Variants in ANK3 observed in about 807,000 individuals in gnomAD.
The protein encoded by ANK3 is ankyrin-3.
Under a neutral mutation model 370.9 loss-of-function variants are expected in ANK3, and 57 were observed. That is an observed-to-expected ratio of 0.15 (90% confidence interval 0.12 to 0.19). The LOEUF is 0.19. Ranked by LOEUF, ANK3 falls within the 10% of genes least tolerant of loss-of-function variation. The pLI is 1.00. For synonymous variants in ANK3, 1,929 were observed against 1,946.3 expected (o/e 0.99, Z 0.23); for missense variants, 4,439 against 5,302.1 (o/e 0.84, Z 5.06).
intron 16 of ANK3, among the ~76,000 whole-genome samples, chr10:60,193,112 C>T (rs2096523348): frequency 6.6e-6 from 1 of 152,142 alleles, no homozygotes; most frequent in Non-Finnish European, 1.5e-5. Flanking sequence ...ATGGCATTAC[C>T]CAGGCTCTTA....
At chr10:60,362,462 T>C (rs895278540) in intron 1 of ANK3, among the ~76,000 whole-genome samples, 3 of 152,192 alleles carry the variant, frequency 2.0e-5, no homozygotes, top group Non-Finnish European at 4.4e-5. Flanking sequence ...TGGCTATCAC[T>C]ATTTAAAACT....
chr10:60,053,717 GGACTTTT>G, intron 42 of ANK3: 1 of 1,303,628 alleles, frequency 7.7e-7, no homozygotes, highest in East Asian at 5.5e-5. Flanking sequence ...AGCCGCACCC[GGACTTTT>G]GACCTGATTT....
At chr10:60,319,512 C>A (rs1007257239) in intron 1 of ANK3, among the ~76,000 whole-genome samples, 6 of 152,126 alleles carry the variant, frequency 3.9e-5, no homozygotes, top group Non-Finnish European at 7.4e-5. Context: ...AGAAATATAT[C>A]GTCTATTCTG....
chr10:60,425,298 A>C (rs2063860110), intron 2 of ANK3, among the ~76,000 whole-genome samples: 1 of 152,118 alleles, frequency 6.6e-6, no homozygotes, highest in South Asian at 2.1e-4. Context: ...GATGGATTTG[A>C]GTTCAGAGGA....
At chr10:60,311,293 T>G (rs1403875288) in intron 1 of ANK3, among the ~76,000 whole-genome samples, 1 of 152,126 alleles carries the variant, frequency 6.6e-6, no homozygotes, top group Non-Finnish European at 1.5e-5. Flanking sequence ...GAACTAGCCA[T>G]CAAGAAAGGG....
At chr10:60,380,647 G>A (rs1232431261) in intron 1 of ANK3, among the ~76,000 whole-genome samples, 1 of 152,050 alleles carries the variant, frequency 6.6e-6, no homozygotes, top group Non-Finnish European at 1.5e-5. Flanking sequence ...ACAAATAACA[G>A]GACAGGTAAA....
At chr10:60,034,058 AGT>A (rs1009796307) in intron 43 of ANK3, among the ~76,000 whole-genome samples, 1 of 148,408 alleles carries the variant, frequency 6.7e-6, no homozygotes, top group Non-Finnish European at 1.5e-5. Context: ...TCAGTAGGTC[AGT>A]GTGTCTGAAA....
chr10:60,578,070 T>C (rs2077704415), intron 2 of ANK3, among the ~76,000 whole-genome samples: 1 of 152,224 alleles, frequency 6.6e-6, no homozygotes, highest in Non-Finnish European at 1.5e-5. Flanking sequence ...AGTATGGTTT[T>C]GATACACTAG....
chr10:60,299,777 G>T (rs753154409), intron 1 of ANK3, among the ~76,000 whole-genome samples: 2 of 152,074 alleles, frequency 1.3e-5, no homozygotes, highest in African/African-American at 4.8e-5. Context: ...ATATCTATGT[G>T]CAATTCTATT....
At chr10:60,467,769 A>C (rs2065042748) in intron 2 of ANK3, among the ~76,000 whole-genome samples, 1 of 152,154 alleles carries the variant, frequency 6.6e-6, no homozygotes, top group East Asian at 1.9e-4. Context: ...CAGGTAATAA[A>C]AGAAAAAGGA....
intron 1 of ANK3, among the ~76,000 whole-genome samples, chr10:60,373,431 C>T (rs1253280224): frequency 1.3e-5 from 2 of 152,080 alleles, no homozygotes; most frequent in Non-Finnish European, 2.9e-5. Flanking sequence ...CTGGGTGAGA[C>T]CCTAAATAAT....
intron 2 of ANK3, among the ~76,000 whole-genome samples, chr10:60,405,063 T>C (rs2063425614): frequency 6.6e-6 from 1 of 152,142 alleles, no homozygotes; most frequent in South Asian, 2.1e-4. Context: ...AGAACTCTAA[T>C]ACGTTGTGAG....
At chr10:60,119,440 T>C (rs2093329231) in intron 25 of ANK3, among the ~76,000 whole-genome samples, 1 of 152,270 alleles carries the variant, frequency 6.6e-6, no homozygotes, top group Non-Finnish European at 1.5e-5. Flanking sequence ...ACTTTGCCTC[T>C]ATTTAATTAC....
intron 43 of ANK3, among the ~76,000 whole-genome samples, chr10:60,032,290 T>C (rs2131834392): frequency 7.5e-6 from 1 of 133,264 alleles, no homozygotes; most frequent in Non-Finnish European, 1.5e-5. Flanking sequence ...AACTGCAACC[T>C]CCGCCTCCCG....
chr10:60,580,115 C>A (rs999389558), intron 2 of ANK3, among the ~76,000 whole-genome samples: 2 of 152,114 alleles, frequency 1.3e-5, no homozygotes, highest in Admixed American at 6.5e-5. Flanking sequence ...GTAGAACACT[C>A]TTCATATTTC....
intron 2 of ANK3, among the ~76,000 whole-genome samples, chr10:60,440,354 G>C (rs1363257830): frequency 6.6e-6 from 1 of 152,100 alleles, no homozygotes; most frequent in Non-Finnish European, 1.5e-5. Flanking sequence ...GCATGGCTGG[G>C]GAGGCCTCAG....
intron 2 of ANK3, among the ~76,000 whole-genome samples, chr10:60,429,897 AC>A (rs1172621256): frequency 1.3e-5 from 2 of 152,194 alleles, no homozygotes; most frequent in African/African-American, 4.8e-5. Flanking sequence ...TTAAATACAA[AC>A]CATTACTTTG....
intron 1 of ANK3, among the ~76,000 whole-genome samples, chr10:60,343,558 T>C (rs543654591): frequency 2.0e-5 from 3 of 152,138 alleles, no homozygotes; most frequent in Admixed American, 6.6e-5. Flanking sequence ...TCAGAGATGA[T>C]ACATAAAGAA....
chr10:60,721,487 T>C (rs2079862704), intron 1 of ANK3, among the ~76,000 whole-genome samples: 1 of 152,244 alleles, frequency 6.6e-6, no homozygotes. Flanking sequence ...CCTAAGACGT[T>C]TGGACTTTAT....
Sources: gnomAD v4.1 joint callset for allele counts (sites outside exome capture counted in the v4.1 genomes callset) on GRCh38, gnomAD v4.1.1 for gene constraint, MANE v1.5 for transcripts, NCBI Gene and HGNC (gene_info 2026-07-23, HGNC 2026-07-21) for gene names.